The following ROBO1 variants were observed in gnomAD, a reference collection of about 807,000 sequenced individuals.
The protein encoded by ROBO1 is roundabout guidance receptor 1.
In ROBO1, 149 loss-of-function variants were observed where a neutral mutation model predicts 195.9. The observed-to-expected ratio is 0.76, with a 90% CI of 0.67 to 0.87. The LOEUF (loss-of-function observed/expected upper bound fraction) is 0.87, where lower values mean the gene tolerates loss of function less well. Among genes scored for constraint, ROBO1 ranks in the 40% least tolerant of loss-of-function variants. The pLI, the probability that ROBO1 is intolerant of heterozygous loss-of-function variation, is 0.00. For missense variants in ROBO1, 1,933 were observed against 2,068.3 expected (o/e 0.93, Z 1.27); for synonymous variants, 816 against 733.2 (o/e 1.11, Z -1.82).
At chr3:78,855,817 CAAAAGA>C (rs2034380187) in intron 4 of ROBO1, among the ~76,000 whole-genome samples, 1 of 151,798 alleles carries the variant, frequency 6.6e-6, no homozygotes, top group South Asian at 2.1e-4. Context: ...CAAAGAATTG[CAAAAGA>C]AAAAGTATCA....
intron 3 of ROBO1, among the ~76,000 whole-genome samples, chr3:79,116,620 C>T (rs533923010): frequency 1.3e-5 from 2 of 150,822 alleles, no homozygotes; most frequent in East Asian, 2.0e-4. Flanking sequence ...TGGGTTCAAG[C>T]GATTCCCCTG....
chr3:78,973,575 CTA>C (rs58598961), intron 3 of ROBO1, among the ~76,000 whole-genome samples: 4,481 of 129,308 alleles, frequency 0.035, 249 homozygotes, highest in African/African-American at 0.11. Flanking sequence ...ATATATGAAG[CTA>C]TATATATATA....
At chr3:79,291,657 A>G (rs78299462) in intron 2 of ROBO1, among the ~76,000 whole-genome samples, 2,071 of 152,300 alleles carry the variant, frequency 0.014, 60 homozygotes, top group African/African-American at 0.048. Context: ...GCATAGCACA[A>G]TATCAGTCTT....
chr3:79,764,101 G>T (rs1704857691), intron 1 of ROBO1, among the ~76,000 whole-genome samples: 1 of 152,128 alleles, frequency 6.6e-6, no homozygotes, highest in South Asian at 2.1e-4. Context: ...TTCATGTGTT[G>T]TAGACATCTA....
chr3:79,116,826 T>C (rs2080012990), intron 3 of ROBO1, among the ~76,000 whole-genome samples: 1 of 152,064 alleles, frequency 6.6e-6, no homozygotes, highest in East Asian at 1.9e-4. Context: ...CCAATTTAAA[T>C]TACCTCTAGA....
chr3:78,950,938 C>G (rs1321400895), intron 3 of ROBO1, among the ~76,000 whole-genome samples: 2 of 151,922 alleles, frequency 1.3e-5, no homozygotes, highest in East Asian at 3.9e-4. Flanking sequence ...AATTCCTACA[C>G]AATTGTTTGC....
intron 3 of ROBO1, among the ~76,000 whole-genome samples, chr3:78,949,609 T>A (rs995887711): frequency 1.3e-5 from 2 of 152,000 alleles, no homozygotes; most frequent in African/African-American, 4.8e-5. Context: ...GGGCAAGGAC[T>A]TCATGTCTAA....
chr3:78,766,578 C>T (rs1486323367), intron 4 of ROBO1, among the ~76,000 whole-genome samples: 1 of 152,134 alleles, frequency 6.6e-6, no homozygotes, highest in Non-Finnish European at 1.5e-5. Flanking sequence ...GACAATTTGA[C>T]TTTCTCTTTA....
rs781761353 is a variant in ROBO1 at position 79,581,994 on chromosome 3, C to A, written c.88+7830G>T. ...TATTCTACTAGTGTTAATATCTATA[C>A]AAGGAACAAAGTAAAGAATATATAC... is the stretch of plus-strand genomic sequence containing the variant. On this transcript the variant is annotated intron_variant, in intron 2 of 30. Transcript: ENST00000464233. 9.9e-5 allele frequency among the ~76,000 whole-genome samples: 15 copies of A among 151,770 alleles called. 1 individual carries two copies. In the South Asian group the frequency reaches 2.9e-3, roughly 29 times the overall value.
chr3:79,279,726 G>C (rs897923520), intron 2 of ROBO1, among the ~76,000 whole-genome samples: 2 of 152,150 alleles, frequency 1.3e-5, no homozygotes, highest in East Asian at 3.9e-4. Context: ...ACAAGGAGGA[G>C]GTAGAGATGA....
At chr3:79,234,093 T>C (rs1017287136) in intron 2 of ROBO1, among the ~76,000 whole-genome samples, 2 of 152,212 alleles carry the variant, frequency 1.3e-5, no homozygotes, top group Non-Finnish European at 2.9e-5. Flanking sequence ...TAGACCTTTG[T>C]CAGATGCTTA....
At chr3:78,824,487 T>A (rs916069606) in intron 4 of ROBO1, among the ~76,000 whole-genome samples, 1 of 152,164 alleles carries the variant, frequency 6.6e-6, no homozygotes, top group Non-Finnish European at 1.5e-5. Context: ...CAAAATATAT[T>A]TGTCATGCTA....
chr3:79,191,754 C>T lies in ROBO1; in HGVS notation c.89-66215G>A, dbSNP rs1484522873. 4.6e-5 allele frequency among the ~76,000 whole-genome samples: 7 copies of T among 151,296 alleles called. No homozygotes were observed. In the South Asian group the frequency reaches 8.3e-4, roughly 18 times the overall value. The stretch of plus-strand genomic sequence containing the variant: ...CATGTATTATGCTTTAATTAATGTA[C>T]TTTAATTTTTCTAAAAAAATCAAAG... On this transcript the variant is annotated intron_variant, in intron 2 of 30. Coordinates refer to ENST00000464233, the MANE Select transcript of ROBO1 (RefSeq NM_002941.4).
At position 79,439,203 on chromosome 3, in the gene ROBO1, A is replaced by G. The variant is rs545881940; in HGVS notation, c.88+150621T>C. Among the ~76,000 whole-genome samples the G allele has an allele frequency of 3.3e-5, 5 of 152,170 alleles. No homozygotes were observed. The South Asian group carries it at 8.3e-4, about 25-fold the overall frequency. On this transcript the variant is annotated intron_variant, in intron 2 of 30. Transcript: ENST00000464233. ...ATATATGTCTACAATGCTTATATAAAGGTATAGTTCTGTTTACAAAGTGAA... is the reference window on the plus strand; with the variant it reads ...ATATATGTCTACAATGCTTATATAAGGGTATAGTTCTGTTTACAAAGTGAA...
intron 1 of ROBO1, among the ~76,000 whole-genome samples, chr3:79,594,136 C>T (rs965524996): frequency 9.2e-5 from 14 of 151,832 alleles, no homozygotes; most frequent in African/African-American, 3.1e-4. Flanking sequence ...AAGAAAGTCC[C>T]CTATTTTAGG....
rs190666667 is a variant in ROBO1 at position 78,974,095 on chromosome 3, C to T, written c.173-35168G>A. Among the ~76,000 whole-genome samples, 89 of 152,058 alleles carry T rather than the reference C, an allele frequency of 5.9e-4. 1 individual carries two copies. Among genetic ancestry groups the T allele is most frequent in the South Asian group, 1.0e-3 (5 of 4,826 alleles). On this transcript the variant is annotated intron_variant, in intron 3 of 30. Transcript: ENST00000464233. ...TAATTTCAAAAAAAAACATCATTAGCGAATAATTTTTAAACCAACTTATAC... is the reference window on the plus strand; with the variant it reads ...TAATTTCAAAAAAAAACATCATTAGTGAATAATTTTTAAACCAACTTATAC...
intron 23 of ROBO1, among the ~76,000 whole-genome samples, chr3:78,634,907 GA>G (rs1429555939): frequency 6.6e-6 from 1 of 152,042 alleles, no homozygotes; most frequent in African/African-American, 2.4e-5. Context: ...CATTTTCAAA[GA>G]AAATGTTCCC....
At chr3:79,223,576 A>G (rs2108832886) in intron 2 of ROBO1, among the ~76,000 whole-genome samples, 1 of 152,284 alleles carries the variant, frequency 6.6e-6, no homozygotes, top group East Asian at 1.9e-4. Flanking sequence ...AAGCACGCAC[A>G]TCAGCAAGCC....
At chr3:79,340,731 C>A (rs561949902) in intron 2 of ROBO1, among the ~76,000 whole-genome samples, 25 of 152,212 alleles carry the variant, frequency 1.6e-4, no homozygotes, top group African/African-American at 4.8e-4. Flanking sequence ...AAAAAGCCAG[C>A]TCTTATAACA....
Sources: allele counts gnomAD v4.1 joint callset (sites outside exome capture counted in the v4.1 genomes callset), GRCh38; gene constraint gnomAD v4.1.1; transcripts MANE v1.5; gene names NCBI Gene and HGNC (gene_info 2026-07-23, HGNC 2026-07-21).